The following PRAME variants were observed in gnomAD, a reference collection of about 807,000 sequenced individuals.
PRAME encodes the protein melanoma antigen preferentially expressed in tumors.
PRAME carries 21 observed loss-of-function variants against 32.1 expected under a neutral mutation model. That is an observed-to-expected ratio of 0.65 (90% CI 0.46 to 0.94). The LOEUF is 0.94. Among genes scored for constraint, PRAME ranks in the 40% least tolerant of loss-of-function variants. The probability of loss-of-function intolerance (pLI) is 0.00; values close to 1 mark genes in which losing one functional copy is unlikely to be tolerated. For missense variants in PRAME, 651 were observed against 622.3 expected (o/e 1.05, Z -0.49); for synonymous variants, 274 against 251.5 (o/e 1.09, Z -0.85).
intron 3 of PRAME, among the ~76,000 whole-genome samples, chr22:22,553,659 G>C (rs2062733780): frequency 1.3e-5 from 2 of 151,938 alleles, no homozygotes; most frequent in South Asian, 2.1e-4. Context: ...TTAAATCTAG[G>C]AATGTGGGCT....
rs912342015 is a variant in PRAME at position 22,549,820 on chromosome 22, G to A, written c.859C>T (p.Gln287Ter). The A allele has an allele frequency of 1.9e-6, 3 of 1,613,806 alleles. No homozygotes were observed. The African/African-American group carries it at 4.0e-5, about 22-fold the overall frequency. The change falls in exon 5 of 6, where the codon CAG becomes TAG. Residue 287 changes from glutamine to a stop codon, truncating the protein, a stop_gained. Coordinates refer to ENST00000405655, the MANE Select transcript of PRAME (RefSeq NM_206956.3). LOFTEE classifies it high-confidence loss of function. ...AGACTGAGGAACTGAGAGGTGAACTGGGCGATATACTGCTCTTCCTTCTCC... is the reference window on the plus strand; with the variant it reads ...AGACTGAGGAACTGAGAGGTGAACTAGGCGATATACTGCTCTTCCTTCTCC... ...SPEKEEQYIA[Q>*]FTSQFLSLQC...
intron 3 of PRAME, among the ~76,000 whole-genome samples, chr22:22,554,652 T>G (rs558567015): frequency 6.6e-6 from 1 of 152,046 alleles, no homozygotes; most frequent in East Asian, 2.0e-4. Flanking sequence ...TTTAGTCTTG[T>G]AAGTCCCTGA....
At chr22:22,554,932 A>G (rs1190186243) in intron 3 of PRAME, among the ~76,000 whole-genome samples, 4 of 151,946 alleles carry the variant, frequency 2.6e-5, no homozygotes, top group African/African-American at 9.7e-5. Flanking sequence ...TGAGCTGTGC[A>G]ATCTCCCTGT....
In PRAME at chr22:22,548,405, G is replaced by A. The variant is rs2062364613; in HGVS notation, c.1192C>T (p.Leu398Phe). 4 of 1,613,370 alleles carry A rather than the reference G, an allele frequency of 2.5e-6. No homozygotes were observed. Among genetic ancestry groups the A allele is most frequent in the South Asian group, 1.1e-5 (1 of 91,062 alleles). The change falls in exon 6 of 6, where the codon CTC (leucine) becomes TTC (phenylalanine). Residue 398 changes from leucine to phenylalanine, a missense_variant. Leu to Phe is a conservative substitution (Grantham distance 22). Transcript: ENST00000405655. ...GAGCAGTGGCTCAGGGAAGGCAGGA[G>A]GGCAAGGAGCTGATCATCCGTGATC... ...CGITDDQLLA[L>F]LPSLSHCSQL...
chr22:22,557,360 A>C, intron 2 of PRAME, 185 bp downstream of exon 2: 2 of 160,144 alleles, frequency 1.2e-5, no homozygotes, highest in East Asian at 1.8e-4. Flanking sequence ...TACAGCCACA[A>C]CTCCTCAACT....
chr22:22,555,676 G>C (rs560704163), intron 3 of PRAME, among the ~76,000 whole-genome samples: 2 of 151,822 alleles, frequency 1.3e-5, no homozygotes, highest in Non-Finnish European at 2.9e-5. Flanking sequence ...ACCCGAGCAC[G>C]GTCCCACAGT....
In PRAME at chr22:22,548,039, G is replaced by T. The variant is rs117929685; in HGVS notation, c.*28C>A. 660 of 1,580,286 alleles carry T rather than the reference G, an allele frequency of 4.2e-4. 8 individuals are homozygous for T. The East Asian group carries it at 0.015, about 35-fold the overall frequency. On this transcript the variant is annotated 3_prime_UTR_variant, in exon 6 of 6. Coordinates refer to ENST00000405655, the MANE Select transcript of PRAME (RefSeq NM_206956.3). ...CCTGGCTTTAGTGTCCAAGTATGCA[G>T]AATGAAGCATTTGATATGTGCACCC...
intron 4 of PRAME, 45 bp from the exon 5 acceptor site, chr22:22,550,379 C>A (rs2062495075): frequency 6.3e-7 from 1 of 1,586,544 alleles, no homozygotes; most frequent in Non-Finnish European, 8.6e-7. Context: ...GCTTTAAGAT[C>A]AACTCAAAAT....
rs1350747604 is a variant in PRAME, at chr22:22,548,313, C to A, written c.1284G>T (p.Gln428His). The A allele has an allele frequency of 6.2e-7, 1 of 1,613,716 alleles. No individual in the cohort carries two copies. The change falls in exon 6 of 6, where the codon CAG becomes CAT. Residue 428 changes from glutamine to histidine, a missense_variant. Gln to His is a conservative substitution (Grantham distance 24). Coordinates refer to ENST00000405655, the MANE Select transcript of PRAME (RefSeq NM_206956.3). ...TCAGATTGCTCAGCCCGATGAGGTG[C>A]TGCAGGAGACTCTGCAGGGCAGATA... is the stretch of plus-strand genomic sequence containing the variant. ...ISISALQSLL[Q>H]HLIGLSNLTH... is the part of the protein sequence containing the mutation.
rs867583467 is a variant in PRAME, at chr22:22,548,569, G to T, written c.1028C>A (p.Ser343Tyr). The change falls in exon 6 of 6, where the codon TCC (serine) becomes TAC (tyrosine). Residue 343 changes from serine (S) to tyrosine (Y), a missense_variant. Coordinates refer to ENST00000405655, the MANE Select transcript of PRAME (RefSeq NM_206956.3). ...RLSEGDVMHL[S>Y]QSPSVSQLSV... is the part of the protein sequence containing the mutation. ...TAGCTGACTGACGCTGGGACTCTGG[G>T]ACAGATGCATCACATCCCCTTCCGA... 3.1e-6 allele frequency: 5 copies of T among 1,613,024 alleles called. No individual in the cohort carries two copies. Among genetic ancestry groups the T allele is most frequent in the Non-Finnish European group, 4.2e-6 (5 of 1,179,918 alleles).
intron 3 of PRAME, among the ~76,000 whole-genome samples, chr22:22,554,808 A>G (rs1225484268): frequency 6.6e-6 from 1 of 151,972 alleles, no homozygotes; most frequent in Non-Finnish European, 1.5e-5. Flanking sequence ...AAACCATGGA[A>G]AAACAGGAAA....
chr22:22,554,332 A>G (rs775311852), intron 3 of PRAME: 1 of 822,554 alleles, frequency 1.2e-6, no homozygotes, highest in Non-Finnish European at 1.5e-6. Context: ...CTGCGTAAGG[A>G]GGCTGTAATT....
chr22:22,549,864 G>C lies in PRAME; in HGVS notation c.815C>G (p.Ala272Gly). 1.2e-6 allele frequency: 2 copies of C among 1,613,860 alleles called. No homozygotes were observed. Among genetic ancestry groups the C allele is most frequent in the Non-Finnish European group, 1.7e-6 (2 of 1,179,956 alleles). Residue 272 changes from alanine to glycine, a missense_variant, in exon 5 of 6, where the codon GCA becomes GGA. Transcript: ENST00000405655. ...CTTCTCCGGGGAAATGTAGGAAGAT[G>C]CATGGATGTGGGAGAGGAGGAGTCT... ...LRRLLLSHIH[A>G]SSYISPEKEE...
Position 22,549,769 on chromosome 22 carries a change from C to A in PRAME, c.910G>T (p.Asp304Tyr). 6.2e-7 allele frequency: 1 copy of A among 1,612,748 alleles called. No homozygotes were observed. The change falls in exon 5 of 6, where the codon GAC becomes TAC. Residue 304 changes from aspartate to tyrosine, a missense_variant. Coordinates refer to ENST00000405655, the MANE Select transcript of PRAME (RefSeq NM_206956.3). ...CGGCCTCTAAGGAAAAATAAAGAGT[C>A]CACATAGAGAGCCTGCAGGCACTGC... ...SLQCLQALYV[D>Y]SLFFLRGRLD...
At position 22,548,599 on chromosome 22, in the gene PRAME, C is replaced by T. The variant is rs149436129; in HGVS notation, c.998G>A (p.Arg333Gln). The change falls in exon 6 of 6, where the codon CGG (arginine) becomes CAG (glutamine). Residue 333 changes from arginine to glutamine, a missense_variant. Arg to Gln is a conservative substitution (Grantham distance 43). Transcript: ENST00000405655. ...ATGCATCACATCCCCTTCCGAAAGC[C>T]GGCAGTTAGTTATTGAGAGGGTTTC... is the stretch of plus-strand genomic sequence containing the variant. ...PLETLSITNC[R>Q]LSEGDVMHLS... 3.5e-5 allele frequency: 56 copies of T among 1,609,872 alleles called. No homozygotes were observed. In the Admixed American group the frequency reaches 6.8e-4, roughly 20 times the overall value.
intron 3 of PRAME, 144 bp downstream of exon 3, chr22:22,556,668 T>TG: frequency 2.9e-6 from 3 of 1,019,010 alleles, no homozygotes; most frequent in Non-Finnish European, 4.5e-6. Context: ...TTTGTGGAAA[T>TG]GACCAGAAAC....
In PRAME at chr22:22,556,884, T is replaced by C. The variant is rs758464958; in HGVS notation, c.-52A>G. ...GACCTCCAACGCTTGGATTTCTAGG[T>C]CTCAGTCACTTGTTGCCACGCACGT... On this transcript the variant is annotated 5_prime_UTR_variant, in exon 3 of 6. Coordinates refer to ENST00000405655, the MANE Select transcript of PRAME (RefSeq NM_206956.3). 6.2e-7 allele frequency: 1 copy of C among 1,608,898 alleles called. No homozygotes were observed. The highest frequency in any genetic ancestry group is 1.7e-5 in the Admixed American group (1 of 59,964).
chr22:22,557,402 G>A (rs2062994487), intron 2 of PRAME, 143 bp downstream of exon 2: 1 of 159,260 alleles, frequency 6.3e-6, no homozygotes, highest in Non-Finnish European at 1.4e-5. Context: ...GCGGCCCGGG[G>A]TGACCCAAGT....
chr22:22,553,517 T>C (rs543508565), intron 3 of PRAME, among the ~76,000 whole-genome samples: 7 of 151,942 alleles, frequency 4.6e-5, no homozygotes, highest in African/African-American at 1.2e-4. Context: ...CTAAGGAAGA[T>C]GAAAGATAGT....
Sources: gnomAD v4.1 joint callset for allele counts (sites outside exome capture counted in the v4.1 genomes callset) on GRCh38, gnomAD v4.1.1 for gene constraint, MANE v1.5 for transcripts, NCBI Gene and HGNC (gene_info 2026-07-23, HGNC 2026-07-21) for gene names.